Variants in ZNF563 observed in about 807,000 individuals in gnomAD.
ZNF563 encodes the protein zinc finger protein 563.
Under a neutral mutation model 48.5 loss-of-function variants are expected in ZNF563, and 39 were observed. The observed-to-expected ratio is 0.80, with a 90% confidence interval of 0.62 to 1.05. ZNF563 has a LOEUF of 1.05. ZNF563 is among the 50% of genes least tolerant of loss of function. The probability of loss-of-function intolerance (pLI) is 0.00; values close to 1 mark genes in which losing one functional copy is unlikely to be tolerated. For missense variants in ZNF563, 538 were observed against 597.0 expected, an observed-to-expected ratio of 0.90 and a Z score of 1.03; for synonymous variants, 168 against 187.9, an observed-to-expected ratio of 0.89 and a Z score of 0.87.
At chr19:12,341,920 C>G in the ZNF563 span, among the ~76,000 whole-genome samples, 1 of 152,194 alleles carries the variant, frequency 6.6e-6, no homozygotes, top group African/African-American at 2.4e-5. Context: ...ACATTCTGGT[C>G]AAGTGCACAT....
chr19:12,331,145 T>A (rs765665390), intron 1 of ZNF563, among the ~76,000 whole-genome samples: 5 of 152,216 alleles, frequency 3.3e-5, no homozygotes, highest in Admixed American at 6.5e-5. Flanking sequence ...TTTAGAAACA[T>A]CTTCTCTATC....
intron 1 of ZNF563, among the ~76,000 whole-genome samples, chr19:12,324,705 G>A (rs969963171): frequency 4.5e-5 from 5 of 111,682 alleles, no homozygotes; most frequent in African/African-American, 6.9e-5. Flanking sequence ...TGACAAGAGC[G>A]AAACTCCGTC....
At position 12,318,596 on chromosome 19, in the gene ZNF563, A is replaced by G; in HGVS notation, c.1429T>C (p.Ter477ArgextTer2). ...GAAGGCTTTATAATAGTTTACATTC[A>G]TATTGTTTCTCTCCAGTGAGTCTTT... is the stretch of plus-strand genomic sequence containing the variant. Reference protein sequence around the residue: ...HEKTHWRETI* With the variant: ...HEKTHWRETIR Residue 477 changes from the stop codon to arginine (R), a stop_lost, in exon 4 of 4, where the codon TGA (stop) becomes CGA (arginine). Transcript: ENST00000293725. 6.2e-7 allele frequency: 1 copy of G among 1,611,142 alleles called. No individual in the cohort carries two copies. Among genetic ancestry groups the G allele is most frequent in the Non-Finnish European group, 8.5e-7 (1 of 1,178,370 alleles).
intron 1 of ZNF563, among the ~76,000 whole-genome samples, chr19:12,324,479 T>C (rs1466567917): frequency 6.6e-6 from 1 of 151,670 alleles, no homozygotes; most frequent in East Asian, 1.9e-4. Context: ...GCACTTTGGG[T>C]GGCTGAGGTG....
chr19:12,341,955 A>G, the ZNF563 span, among the ~76,000 whole-genome samples: 2 of 152,234 alleles, frequency 1.3e-5, no homozygotes, highest in Non-Finnish European at 2.9e-5. Context: ...GACAGACCAT[A>G]ATTAGGACAT....
rs753791848 is a variant in ZNF563 at position 12,319,674 on chromosome 19, G to A, written c.351C>T (p.Ser117=). ...ECEEVIMGHL[S]LNSHIRVDSG... ...AATCAACTCTGATGTGGCTATTAAG[G>A]GATAAATGACCCATTATGACTTCTT... is the stretch of plus-strand genomic sequence containing the variant. The change falls in exon 4 of 4, where the codon TCC becomes TCT. Residue 117 remains serine, a synonymous_variant. Coordinates refer to ENST00000293725, the MANE Select transcript of ZNF563 (RefSeq NM_145276.3). The A allele has an allele frequency of 6.2e-7, 1 of 1,614,014 alleles. No homozygotes were observed. Among genetic ancestry groups the A allele is most frequent in the South Asian group, 1.1e-5 (1 of 91,072 alleles).
chr19:12,333,823 G>C, upstream of ZNF563: 1 of 350,076 alleles, frequency 2.9e-6, no homozygotes. Flanking sequence ...TGAGTCGAGC[G>C]GGATGAACGA....
At chr19:12,333,657 C>T (rs796790458), upstream of ZNF563, 6 of 907,018 alleles carry the variant, frequency 6.6e-6, no homozygotes, top group South Asian at 6.3e-5. Flanking sequence ...AGCGCAGGGG[C>T]GTGAAGACGC....
chr19:12,325,731 T>C (rs570306451), intron 1 of ZNF563, among the ~76,000 whole-genome samples: 36 of 152,290 alleles, frequency 2.4e-4, no homozygotes, highest in African/African-American at 8.7e-4. Flanking sequence ...TTGCTAAGTG[T>C]TCAAGGAATT....
chr19:12,329,034 G>T (rs1968861086), intron 1 of ZNF563, among the ~76,000 whole-genome samples: 1 of 152,104 alleles, frequency 6.6e-6, no homozygotes, highest in African/African-American at 2.4e-5. Context: ...AGAATCGAAT[G>T]CATTCTCTAG....
chr19:12,335,121 C>T (rs184524926), upstream of ZNF563, among the ~76,000 whole-genome samples: 1 of 152,110 alleles, frequency 6.6e-6, no homozygotes, highest in African/African-American at 2.4e-5. Context: ...GCTGCCCACT[C>T]CAGGTGGCTG....
upstream of ZNF563, among the ~76,000 whole-genome samples, chr19:12,335,152 C>T (rs1212442679): frequency 6.6e-6 from 1 of 152,038 alleles, no homozygotes; most frequent in African/African-American, 2.4e-5. Context: ...AACAATACCC[C>T]AAAAAGAAGA....
chr19:12,339,461 G>C, the ZNF563 span, among the ~76,000 whole-genome samples: 4 of 151,774 alleles, frequency 2.6e-5, no homozygotes, highest in Admixed American at 2.6e-4. Context: ...TGTGTTTTTA[G>C]TAGAGGCGGG....
the ZNF563 span, among the ~76,000 whole-genome samples, chr19:12,340,105 T>C: frequency 0.049 from 7,444 of 152,194 alleles, 600 homozygotes; most frequent in African/African-American, 0.17. Context: ...GAGGCCGACA[T>C]GGGCAGATAC....
At chr19:12,325,630 A>C (rs1438056686) in intron 1 of ZNF563, among the ~76,000 whole-genome samples, 1 of 152,224 alleles carries the variant, frequency 6.6e-6, no homozygotes, top group Non-Finnish European at 1.5e-5. Context: ...ATTTTCATAG[A>C]AGATGTGAGG....
chr19:12,321,477 C>T, intron 2 of ZNF563, 145 bp from the exon 3 acceptor site: 3 of 450,300 alleles, frequency 6.7e-6, no homozygotes, highest in Admixed American at 4.4e-5. Flanking sequence ...CAGAGTCTCA[C>T]TCTGTTGCCC....
At chr19:12,332,005 C>G (rs913689403) in intron 1 of ZNF563, among the ~76,000 whole-genome samples, 2 of 152,096 alleles carry the variant, frequency 1.3e-5, no homozygotes, top group Non-Finnish European at 2.9e-5. Flanking sequence ...TATTCACAAA[C>G]AAAAATCATA....
chr19:12,319,585 C>T lies in ZNF563; in HGVS notation c.440G>A (p.Gly147Glu). Residue 147 changes from glycine (G) to glutamate (E), a missense_variant, in exon 4 of 4, where the codon GGG becomes GAG. Coordinates refer to ENST00000293725, the MANE Select transcript of ZNF563 (RefSeq NM_145276.3). ...GEKPHTHKQR[G>E]KAFSYHHSFQ... ...GGAGTGATGGTAACTGAAGGCTTTC[C>T]CACGTTGTTTATGTGTATGTGGCTT... 11 of 1,614,178 alleles carry T rather than the reference C, an allele frequency of 6.8e-6. No individual in the cohort carries two copies. Among genetic ancestry groups the T allele is most frequent in the Non-Finnish European group, 9.3e-6 (11 of 1,180,038 alleles).
chr19:12,336,137 T>A (rs986528691), upstream of ZNF563, among the ~76,000 whole-genome samples: 2 of 152,168 alleles, frequency 1.3e-5, no homozygotes, highest in African/African-American at 2.4e-5. Context: ...GTGGAAAAAA[T>A]ATATATAAGA....
Sources: gnomAD v4.1 joint callset for allele counts (sites outside exome capture counted in the v4.1 genomes callset) on GRCh38, gnomAD v4.1.1 for gene constraint, MANE v1.5 for transcripts, NCBI Gene and HGNC (gene_info 2026-07-23, HGNC 2026-07-21) for gene names.